Variants in FAM110B observed in about 807,000 individuals in gnomAD.
FAM110B encodes the protein protein FAM110B.
Under a neutral mutation model 20.4 loss-of-function variants are expected in FAM110B, and 6 were observed. The observed-to-expected ratio is 0.29, with a 90% CI of 0.16 to 0.58. The LOEUF is 0.58. Among genes scored for constraint, FAM110B ranks in the 20% least tolerant of loss-of-function variants. The pLI, the probability that FAM110B is intolerant of heterozygous loss-of-function variation, is 0.90. For missense variants in FAM110B, 434 were observed against 498.2 expected (o/e 0.87, Z 1.23); for synonymous variants, 226 against 214.1 (o/e 1.06, Z -0.49).
chr8:58,035,188 TTC>T (rs1198836294), intron 2 of FAM110B, among the ~76,000 whole-genome samples: 3 of 152,350 alleles, frequency 2.0e-5, no homozygotes, highest in Admixed American at 1.3e-4. Context: ...AATTATTTTG[TTC>T]TCTCATTAGA....
intron 3 of FAM110B, among the ~76,000 whole-genome samples, chr8:58,116,826 G>A (rs1230549025): frequency 6.6e-6 from 1 of 152,118 alleles, no homozygotes; most frequent in Non-Finnish European, 1.5e-5. Flanking sequence ...TGTCCAGAAT[G>A]TATTCCATTT....
chr8:58,026,705 C>A (rs77757504), intron 1 of FAM110B, among the ~76,000 whole-genome samples: 2 of 152,076 alleles, frequency 1.3e-5, no homozygotes, highest in African/African-American at 4.8e-5. Flanking sequence ...GTGAAAACAG[C>A]GCTTTCATTA....
chr8:58,088,774 T>C (rs192689956), intron 3 of FAM110B, among the ~76,000 whole-genome samples: 1 of 152,196 alleles, frequency 6.6e-6, no homozygotes, highest in Non-Finnish European at 1.5e-5. Context: ...CCAAAAACTA[T>C]CAAGGACAGA....
intron 1 of FAM110B, among the ~76,000 whole-genome samples, chr8:58,013,947 CTG>C (rs1804590398): frequency 6.6e-6 from 1 of 152,148 alleles, no homozygotes; most frequent in South Asian, 2.1e-4. Flanking sequence ...ATGCCTGTCA[CTG>C]TGCTGTGAAA....
intron 3 of FAM110B, among the ~76,000 whole-genome samples, chr8:58,099,315 C>T (rs1317957270): frequency 1.3e-5 from 2 of 151,316 alleles, no homozygotes; most frequent in South Asian, 4.2e-4. Context: ...CGCTCAAAGG[C>T]AATGCTCATT....
At position 58,114,594 on chromosome 8, in the gene FAM110B, T is replaced by C. The variant is rs1417715106; in HGVS notation, c.-324-31313T>C. Among the ~76,000 whole-genome samples, 5 of 152,132 alleles carry C rather than the reference T, an allele frequency of 3.3e-5. No homozygotes were observed. In the South Asian group the frequency reaches 8.3e-4, roughly 25 times the overall value. On this transcript the variant is annotated intron_variant, in intron 3 of 3. Transcript: ENST00000519262. ...ACTGACAGGCGAGTTCCCTTCTTAA[T>C]TACCTGAACAAGTTGGGGAGGATTT...
At chr8:58,140,764 A>G (rs913034741) in intron 3 of FAM110B, among the ~76,000 whole-genome samples, 1 of 152,096 alleles carries the variant, frequency 6.6e-6, no homozygotes, top group East Asian at 1.9e-4. Context: ...ATGAACTCAA[A>G]AGCTGCCCTG....
At chr8:58,126,979 C>G (rs1003569720) in intron 3 of FAM110B, among the ~76,000 whole-genome samples, 2 of 152,206 alleles carry the variant, frequency 1.3e-5, no homozygotes, top group Non-Finnish European at 2.9e-5. Flanking sequence ...CATCAAGCCA[C>G]AGATCCTAAA....
intron 2 of FAM110B, among the ~76,000 whole-genome samples, chr8:58,047,269 G>A (rs985641487): frequency 5.9e-5 from 9 of 152,104 alleles, no homozygotes; most frequent in East Asian, 1.9e-4. Context: ...TAATTGTTAC[G>A]CCTTGGCCCA....
chr8:58,119,848 T>G (rs1807310871), intron 3 of FAM110B, among the ~76,000 whole-genome samples: 1 of 152,214 alleles, frequency 6.6e-6, no homozygotes, highest in South Asian at 2.1e-4. Context: ...ATTATCTCAT[T>G]CTACATCCTC....
chr8:58,097,939 C>T (rs1007066782), intron 3 of FAM110B, among the ~76,000 whole-genome samples: 1 of 152,218 alleles, frequency 6.6e-6, no homozygotes, highest in South Asian at 2.1e-4. Flanking sequence ...GAAGCTTTGT[C>T]CCAGAGGGGC....
At chr8:58,075,073 T>C (rs560338705) in intron 2 of FAM110B, among the ~76,000 whole-genome samples, 1 of 152,056 alleles carries the variant, frequency 6.6e-6, no homozygotes, top group African/African-American at 2.4e-5. Flanking sequence ...CTGACATGTT[T>C]GCTGTCTTTT....
intron 1 of FAM110B, among the ~76,000 whole-genome samples, chr8:57,996,706 C>T (rs900911790): frequency 1.3e-5 from 2 of 152,164 alleles, no homozygotes; most frequent in Admixed American, 6.5e-5. Flanking sequence ...CCCTGCACTC[C>T]CTTGTTCTCT....
At chr8:58,142,840 C>T (rs1197017758) in intron 3 of FAM110B, among the ~76,000 whole-genome samples, 6 of 152,190 alleles carry the variant, frequency 3.9e-5, no homozygotes, top group South Asian at 4.1e-4. Flanking sequence ...TGAAACCCTA[C>T]GGGGCCAAGA....
chr8:58,141,872 C>G (rs144968619), intron 3 of FAM110B, among the ~76,000 whole-genome samples: 8 of 152,340 alleles, frequency 5.3e-5, no homozygotes, highest in Middle Eastern at 3.4e-3. Context: ...GCCTCAGAGG[C>G]TTTGAGGCAC....
intron 2 of FAM110B, among the ~76,000 whole-genome samples, chr8:58,039,396 G>A (rs750660925): frequency 6.6e-6 from 1 of 152,198 alleles, no homozygotes; most frequent in African/African-American, 2.4e-5. Context: ...CCACAGGCCT[G>A]TTCCAGGGGC....
intron 3 of FAM110B, among the ~76,000 whole-genome samples, chr8:58,131,637 G>A (rs1215095348): frequency 1.3e-5 from 2 of 152,066 alleles, no homozygotes; most frequent in Admixed American, 6.6e-5. Flanking sequence ...GTAAATCCTT[G>A]CTCTGCTTTT....
chr8:58,147,188 C>G lies in FAM110B; in HGVS notation c.958C>G (p.Gln320Glu). The change falls in exon 4 of 4, where the codon CAG becomes GAG. Residue 320 changes from glutamine to glutamate, a missense_variant. Physicochemically the swap from Gln to Glu is conservative, Grantham distance 29 (BLOSUM62 2). Transcript: ENST00000519262. ...SASMISSDCE[Q>E]SQDSNSDLRN... is the part of the protein sequence containing the mutation. ...AAGCATGATCAGCTCAGACTGTGAACAGTCTCAGGACAGTAACAGTGACCT... is the reference window on the plus strand; with the variant it reads ...AAGCATGATCAGCTCAGACTGTGAAGAGTCTCAGGACAGTAACAGTGACCT... 1.2e-6 allele frequency: 2 copies of G among 1,614,162 alleles called. No individual in the cohort carries two copies. The highest frequency in any genetic ancestry group is 8.5e-7 in the Non-Finnish European group (1 of 1,180,038).
chr8:58,021,566 T>C (rs1804754490), intron 1 of FAM110B, among the ~76,000 whole-genome samples: 1 of 152,086 alleles, frequency 6.6e-6, no homozygotes, highest in African/African-American at 2.4e-5. Context: ...GTTAAATATA[T>C]TGTCATTTAG....
Sources: allele counts gnomAD v4.1 joint callset (sites outside exome capture counted in the v4.1 genomes callset), GRCh38; gene constraint gnomAD v4.1.1; transcripts MANE v1.5; gene names NCBI Gene and HGNC (gene_info 2026-07-23, HGNC 2026-07-21).